The following FAT3 variants were observed in gnomAD, a reference collection of about 807,000 sequenced individuals.
FAT3 encodes protocadherin Fat 3.
In FAT3, 95 loss-of-function variants were observed where a neutral mutation model predicts 310.2. That is an observed-to-expected ratio of 0.31 (90% confidence interval 0.26 to 0.36). The LOEUF (loss-of-function observed/expected upper bound fraction) is 0.36. Ranked by LOEUF, FAT3 falls within the 10% of genes least tolerant of loss-of-function variation. The probability of loss-of-function intolerance (pLI) is 1.00; values close to 1 mark genes in which losing one functional copy is unlikely to be tolerated. For missense variants in FAT3, 5,408 were observed against 5,715.6 expected, an observed-to-expected ratio of 0.95 and a Z score of 1.74; for synonymous variants, 2,314 against 2,192.9, an observed-to-expected ratio of 1.06 and a Z score of -1.54.
At chr11:92,307,477 G>A (rs1947171513) in intron 1 of FAT3, among the ~76,000 whole-genome samples, 2 of 152,170 alleles carry the variant, frequency 1.3e-5, no homozygotes, top group African/African-American at 4.8e-5. Flanking sequence ...TCATCCACAA[G>A]ATCACTGTCC....
intron 4 of FAT3, among the ~76,000 whole-genome samples, chr11:92,747,001 C>T (rs780144759): frequency 6.6e-6 from 1 of 152,196 alleles, no homozygotes; most frequent in Non-Finnish European, 1.5e-5. Context: ...TTTCCAGGTG[C>T]ACAGTGCAAG....
intron 4 of FAT3, among the ~76,000 whole-genome samples, chr11:92,706,796 A>C (rs1471771007): frequency 6.6e-6 from 1 of 152,226 alleles, no homozygotes; most frequent in Non-Finnish European, 1.5e-5. Flanking sequence ...TGTGCATATA[A>C]AAATAAATAA....
intron 2 of FAT3, among the ~76,000 whole-genome samples, chr11:92,381,380 G>C: frequency 6.6e-6 from 1 of 152,128 alleles, no homozygotes; most frequent in Non-Finnish European, 1.5e-5. Context: ...GGGTATGGTG[G>C]CATATACCTG....
chr11:92,839,398 A>G (rs769018574), intron 17 of FAT3, among the ~76,000 whole-genome samples: 2 of 152,210 alleles, frequency 1.3e-5, no homozygotes, highest in Admixed American at 6.5e-5. Context: ...ATGTGGGGCT[A>G]TGGTGGTCCC....
intron 1 of FAT3, among the ~76,000 whole-genome samples, chr11:92,230,858 A>C (rs190533556): frequency 3.9e-5 from 6 of 152,288 alleles, no homozygotes; most frequent in Admixed American, 3.9e-4. Flanking sequence ...AGGTGGAGTA[A>C]ACTTTTAAGA....
chr11:92,750,358 G>A (rs555476452), intron 4 of FAT3, among the ~76,000 whole-genome samples: 18 of 152,262 alleles, frequency 1.2e-4, no homozygotes, highest in South Asian at 6.2e-4. Context: ...ATAGGGGGAA[G>A]GTATGCAGTG....
At chr11:92,886,040 C>T (rs1348889830) in intron 24 of FAT3, among the ~76,000 whole-genome samples, 8 of 152,190 alleles carry the variant, frequency 5.3e-5, no homozygotes, top group Non-Finnish European at 1.0e-4. Context: ...GTCTGTATCT[C>T]TTTGTACCAT....
intron 19 of FAT3, among the ~76,000 whole-genome samples, chr11:92,853,713 C>A (rs1948893684): frequency 6.6e-6 from 1 of 152,130 alleles, no homozygotes; most frequent in Non-Finnish European, 1.5e-5. Flanking sequence ...AGAAAGGAGA[C>A]CCACAGTGGG....
intron 3 of FAT3, among the ~76,000 whole-genome samples, chr11:92,636,552 TAAAA>T (rs1314007181): frequency 6.6e-6 from 1 of 152,154 alleles, no homozygotes; most frequent in African/African-American, 2.4e-5. Context: ...TAGTAGCTCT[TAAAA>T]AAACATTTTT....
In FAT3 at chr11:92,359,914, A is replaced by G. The variant is rs1180087017; in HGVS notation, c.3292+4510A>G. Among the ~76,000 whole-genome samples, 6 of 139,070 alleles carry G rather than the reference A, an allele frequency of 4.3e-5. No homozygotes were observed. In the Admixed American group the frequency reaches 4.5e-4, roughly 11 times the overall value. The allele number at this position is 139,070 out of a possible 152,430, so 91.2% of individuals were successfully genotyped here. ...TTTGGGTTGGTTCCAAGTCTTTGCT[A>G]TTGTGAATAATGCCGCAATAAACAT... On this transcript the variant is annotated intron_variant, in intron 2 of 27. Coordinates refer to ENST00000525166, the MANE Select transcript of FAT3 (RefSeq NM_001367949.2).
intron 13 of FAT3, 31 bp from the exon 14 acceptor site, chr11:92,831,591 G>T (rs756118827): frequency 6.3e-6 from 10 of 1,581,648 alleles, no homozygotes; most frequent in Middle Eastern, 3.4e-4. Flanking sequence ...CCATGTTCTT[G>T]CCCACTCATT....
intron 4 of FAT3, among the ~76,000 whole-genome samples, chr11:92,750,034 G>A (rs1475672454): frequency 6.6e-6 from 1 of 152,216 alleles, no homozygotes; most frequent in Non-Finnish European, 1.5e-5. Context: ...AGCCTATGTA[G>A]ATGAGTTCAC....
chr11:92,748,346 A>G lies in FAT3; in HGVS notation c.3670-13510A>G, dbSNP rs1389639624. Among the ~76,000 whole-genome samples, 3 of 152,156 alleles carry G rather than the reference A, an allele frequency of 2.0e-5. No individual in the cohort carries two copies. The East Asian group carries it at 5.8e-4, about 29-fold the overall frequency. On this transcript the variant is annotated intron_variant, in intron 4 of 27. Coordinates refer to ENST00000525166, the MANE Select transcript of FAT3 (RefSeq NM_001367949.2). ...GATTCAGTTACCTCCACCTGGCCCC[A>G]CCCTTGACATGTGGGGATTATTACA... is the stretch of plus-strand genomic sequence containing the variant.
chr11:92,839,846 A>T lies in FAT3; in HGVS notation c.10369-716A>T, dbSNP rs76560781. ...CCTTTGACCCAAGAAGGAGCTTTGC[A>T]TTCCCATTTGGGGAAAAAAGCAGAG... On this transcript the variant is annotated intron_variant, in intron 17 of 27. Transcript: ENST00000525166. Among the ~76,000 whole-genome samples the T allele has an allele frequency of 5.8e-4, 88 of 152,344 alleles. No individual in the cohort carries two copies. In the East Asian group the frequency reaches 0.014, roughly 24 times the overall value.
chr11:92,689,463 C>T (rs558286769), intron 3 of FAT3, among the ~76,000 whole-genome samples: 3 of 152,286 alleles, frequency 2.0e-5, no homozygotes, highest in East Asian at 1.9e-4. Flanking sequence ...AGTATTGGTT[C>T]GCCATCTGTG....
At chr11:92,507,441 G>A (rs1046299007) in intron 2 of FAT3, among the ~76,000 whole-genome samples, 1 of 151,944 alleles carries the variant, frequency 6.6e-6, no homozygotes, top group Non-Finnish European at 1.5e-5. Flanking sequence ...TTTCACTCAT[G>A]TACTCTGATG....
chr11:92,635,864 AT>A (rs755619893), intron 3 of FAT3, among the ~76,000 whole-genome samples: 5 of 152,228 alleles, frequency 3.3e-5, no homozygotes, highest in Non-Finnish European at 5.9e-5. Context: ...TAATTTCCTT[AT>A]GAAAACTATA....
chr11:92,269,495 G>C (rs1034127311), intron 1 of FAT3, among the ~76,000 whole-genome samples: 1 of 152,078 alleles, frequency 6.6e-6, no homozygotes, highest in Non-Finnish European at 1.5e-5. Flanking sequence ...CATATACTTT[G>C]AACAAGCAGA....
intron 1 of FAT3, among the ~76,000 whole-genome samples, chr11:92,242,689 A>T (rs946678632): frequency 6.6e-6 from 1 of 152,160 alleles, no homozygotes; most frequent in Middle Eastern, 3.4e-3. Context: ...CTGCTTGTTC[A>T]TACATGAAAG....
Sources: gnomAD v4.1 joint callset for allele counts (sites outside exome capture counted in the v4.1 genomes callset) on GRCh38, gnomAD v4.1.1 for gene constraint, MANE v1.5 for transcripts, NCBI Gene and HGNC (gene_info 2026-07-23, HGNC 2026-07-21) for gene names.